The following DNAJC10 variants were observed in gnomAD, a reference collection of about 807,000 sequenced individuals.
The protein encoded by DNAJC10 is DnaJ heat shock protein family (Hsp40) member C10, also known as endoplasmic reticulum disulfide reductase DNAJC10.
Under a neutral mutation model 115.0 loss-of-function variants are expected in DNAJC10, and 101 were observed. That is an observed-to-expected ratio of 0.88 (90% CI 0.75 to 1.04). The LOEUF (loss-of-function observed/expected upper bound fraction) is 1.04. Among genes scored for constraint, DNAJC10 ranks in the 50% least tolerant of loss-of-function variants. DNAJC10 has a pLI of 0.00. For missense variants in DNAJC10, 981 were observed against 928.8 expected (o/e 1.06, Z -0.73); for synonymous variants, 307 against 301.5 (o/e 1.02, Z -0.19).
At chr2:182,775,917 C>T (rs1349070131) in intron 23 of DNAJC10, among the ~76,000 whole-genome samples, 1 of 151,910 alleles carries the variant, frequency 6.6e-6, no homozygotes, top group Non-Finnish European at 1.5e-5. Context: ...AGGGACAGAA[C>T]GTAGGTTAAT....
intron 14 of DNAJC10, 69 bp downstream of exon 14, chr2:182,743,781 T>C: frequency 9.1e-7 from 1 of 1,099,904 alleles, no homozygotes; most frequent in Non-Finnish European, 1.3e-6. Flanking sequence ...CTAATTGTGC[T>C]TTTTAAACTT....
At position 182,789,547 on chromosome 2, in the gene DNAJC10, A is replaced by G. The variant is rs1695012863; in HGVS notation, c.*12415A>G. 1 of 152,186 alleles carries G rather than the reference A, an allele frequency of 6.6e-6. No individual in the cohort carries two copies. The highest frequency in any genetic ancestry group is 1.9e-4 in the East Asian group (1 of 5,198). 9.4% of individuals were successfully genotyped at this position (152,186 alleles called of 1,614,324 possible). ...ATTTTCTTCCTTTTTAAGGCTGAAT[A>G]ATATTCAATTATATATACATTCTAC... is the stretch of plus-strand genomic sequence containing the variant. On this transcript the variant is annotated 3_prime_UTR_variant, in exon 24 of 24. Transcript: ENST00000264065.
At chr2:182,777,100 G>A (rs544685316) in intron 23 of DNAJC10, 21 bp from the exon 24 acceptor site, 105 of 1,370,596 alleles carry the variant, frequency 7.7e-5, no homozygotes, top group East Asian at 6.6e-4. Context: ...TTTCTCTATC[G>A]CCTTTACATT....
intron 11 of DNAJC10, chr2:182,740,047 C>A: frequency 2.0e-6 from 2 of 1,017,276 alleles, no homozygotes; most frequent in Non-Finnish European, 2.4e-6. Flanking sequence ...ATTAAAAATT[C>A]CAGTTAATGC....
chr2:182,738,778 G>A (rs1193535605), intron 11 of DNAJC10, among the ~76,000 whole-genome samples: 5 of 152,142 alleles, frequency 3.3e-5, no homozygotes, highest in African/African-American at 9.7e-5. Context: ...CTGACCTTGT[G>A]ATCTGCCGGC....
chr2:182,740,439 CA>C, intron 12 of DNAJC10, 51 bp downstream of exon 12: 1 of 1,472,074 alleles, frequency 6.8e-7, no homozygotes, highest in Admixed American at 2.5e-5. Flanking sequence ...CGTAACATTT[CA>C]GGTCTTAACA....
At chr2:182,746,780 T>G (rs143347376) in intron 14 of DNAJC10, among the ~76,000 whole-genome samples, 104,491 of 151,484 alleles carry the variant, frequency 0.69, 36,938 homozygotes, top group African/African-American at 0.84. Context: ...ATTGCTTTTG[T>G]TGTTTTAGAC....
At chr2:182,770,835 C>G (rs978321086) in intron 22 of DNAJC10, among the ~76,000 whole-genome samples, 1 of 152,130 alleles carries the variant, frequency 6.6e-6, no homozygotes, top group Non-Finnish European at 1.5e-5. Context: ...CCAGAACTTC[C>G]AATACTATGT....
intron 14 of DNAJC10, among the ~76,000 whole-genome samples, chr2:182,748,559 G>A (rs1217736281): frequency 2.0e-5 from 3 of 152,152 alleles, no homozygotes; most frequent in Admixed American, 2.0e-4. Context: ...TTGTATTTCT[G>A]TGGGATTGGT....
intron 6 of DNAJC10, 95 bp from the exon 7 acceptor site, chr2:182,728,768 T>C: frequency 6.6e-7 from 1 of 1,518,150 alleles, no homozygotes; most frequent in Non-Finnish European, 9.0e-7. Flanking sequence ...TATCAAATAC[T>C]TTAAATGTCT....
intron 1 of DNAJC10, among the ~76,000 whole-genome samples, chr2:182,716,804 A>G (rs1693005109): frequency 6.6e-6 from 1 of 152,146 alleles, no homozygotes; most frequent in Non-Finnish European, 1.5e-5. Context: ...AGTGATGGCA[A>G]TGCGAAAGCT....
rs1246387282 is a variant in DNAJC10 at position 182,755,020 on chromosome 2, T to C, written c.1569T>C (p.Tyr523=). The C allele has an allele frequency of 1.2e-6, 2 of 1,602,578 alleles. No individual in the cohort carries two copies. Among genetic ancestry groups the C allele is most frequent in the Admixed American group, 3.3e-5 (2 of 60,002 alleles). ...GLCNMYNIQA[Y]PTTVVFNQSN... ...CCTATCAGTATAACATTCAGGCTTATCCAACAACAGTGGTATTCAACCAGT... is the reference window on the plus strand; with the variant it reads ...CCTATCAGTATAACATTCAGGCTTACCCAACAACAGTGGTATTCAACCAGT... The change falls in exon 17 of 24, where the codon TAT becomes TAC. Residue 523 remains tyrosine, a synonymous_variant. Coordinates refer to ENST00000264065, the MANE Select transcript of DNAJC10 (RefSeq NM_018981.4).
Position 182,755,235 on chromosome 2 carries a change from A to G in DNAJC10, c.1653+131A>G, listed in dbSNP as rs557704106. The G allele has an allele frequency of 1.6e-4, 105 of 645,846 alleles. No homozygotes were observed. The African/African-American group carries it at 1.8e-3, about 11-fold the overall frequency. The allele number at this position is 645,846 out of a possible 1,614,324, so 40.0% of individuals were successfully genotyped here. On this transcript the variant is annotated intron_variant, in intron 17 of 23. Coordinates refer to ENST00000264065, the MANE Select transcript of DNAJC10 (RefSeq NM_018981.4). ...ACTATTTTCTTACAAAATGATTTTT[A>G]AAGAATTTTTCTAATGTTTTACTCT...
intron 22 of DNAJC10, among the ~76,000 whole-genome samples, chr2:182,765,536 A>G (rs138186244): frequency 6.6e-6 from 1 of 152,318 alleles, no homozygotes; most frequent in East Asian, 1.9e-4. Context: ...CCAGATACTT[A>G]AGAAACCGAT....
At chr2:182,760,292 T>G (rs1385615667) in intron 21 of DNAJC10, among the ~76,000 whole-genome samples, 1 of 152,244 alleles carries the variant, frequency 6.6e-6, no homozygotes, top group African/African-American at 2.4e-5. Context: ...CAGTGTCACC[T>G]GGATATGTTA....
rs761907830 is a variant in DNAJC10, at chr2:182,752,105, T to C, written c.1468T>C (p.Leu490=). Residue 490 remains leucine (L), a synonymous_variant, in exon 16 of 24, where the codon TTA becomes CTA. Transcript: ENST00000264065. ...ACCATGTCGAGCTTTACTACCAGAG[T>C]TACGAAGAGCATCAAATCTTCTTTA... ...CPPCRALLPE[L]RRASNLLYGQ... 2 of 1,613,824 alleles carry C rather than the reference T, an allele frequency of 1.2e-6. No homozygotes were observed. The highest frequency in any genetic ancestry group is 1.7e-6 in the Non-Finnish European group (2 of 1,179,856).
chr2:182,760,334 T>C (rs1305898128), intron 21 of DNAJC10, among the ~76,000 whole-genome samples: 1 of 152,208 alleles, frequency 6.6e-6, no homozygotes, highest in African/African-American at 2.4e-5. Flanking sequence ...ATATTAATTC[T>C]TTATTTATTA....
At chr2:182,775,468 A>C in intron 23 of DNAJC10, 48 bp downstream of exon 23, 3 of 1,256,604 alleles carry the variant, frequency 2.4e-6, no homozygotes, top group Non-Finnish European at 2.3e-6. Flanking sequence ...GGCAAAAGTT[A>C]GCAAAATCTA....
At position 182,788,953 on chromosome 2, in the gene DNAJC10, AG is replaced by A. The variant is rs1695000664; in HGVS notation, c.*11822del. ...TAACAAAATTTATTAATCATTTTAA[AG>A]TAGCATACAGTTCAGTAGTGTTAAG... On this transcript the variant is annotated 3_prime_UTR_variant, in exon 24 of 24. Coordinates refer to ENST00000264065, the MANE Select transcript of DNAJC10 (RefSeq NM_018981.4). 2.6e-6 allele frequency: 1 copy of A among 386,896 alleles called. No individual in the cohort carries two copies. Among genetic ancestry groups the A allele is most frequent in the Non-Finnish European group, 5.0e-6 (1 of 200,800 alleles). 24.0% of individuals were successfully genotyped at this position (386,896 alleles called of 1,614,324 possible).
Sources: gnomAD v4.1 joint callset for allele counts (sites outside exome capture counted in the v4.1 genomes callset) on GRCh38, gnomAD v4.1.1 for gene constraint, MANE v1.5 for transcripts, NCBI Gene and HGNC (gene_info 2026-07-23, HGNC 2026-07-21) for gene names.